Variants in CACNA1C observed in about 807,000 individuals in gnomAD.
The protein encoded by CACNA1C is voltage-dependent L-type calcium channel subunit alpha-1C.
Under a neutral mutation model 229.0 loss-of-function variants are expected in CACNA1C, and 30 were observed. The observed-to-expected ratio is 0.13, with a 90% confidence interval of 0.10 to 0.18. The LOEUF is 0.18. CACNA1C is among the 10% of genes least tolerant of loss of function. The pLI, the probability that CACNA1C is intolerant of heterozygous loss-of-function variation, is 1.00. For synonymous variants in CACNA1C, 1,114 were observed against 1,132.5 expected (o/e 0.98, Z 0.33); for missense variants, 1,658 against 2,845.0 (o/e 0.58, Z 9.49).
At chr12:2,433,734 G>A (rs182797131) in intron 3 of CACNA1C, among the ~76,000 whole-genome samples, 136 of 152,172 alleles carry the variant, frequency 8.9e-4, no homozygotes, top group African/African-American at 2.9e-3. Context: ...ATCGGCCTCC[G>A]TCTCGTTCCC....
In CACNA1C at chr12:2,679,572, T is replaced by G. The variant is rs1319539049; in HGVS notation, c.5220T>G (p.Thr1740=). 3.1e-6 allele frequency: 5 copies of G among 1,613,466 alleles called. No homozygotes were observed. The African/African-American group carries it at 5.3e-5, about 17-fold the overall frequency. The change falls in exon 42 of 47, where the codon ACT becomes ACG. Residue 1740 remains threonine, a synonymous_variant. Coordinates refer to ENST00000399655, the MANE Select transcript of CACNA1C (RefSeq NM_000719.7). This position sits in a 1 kb window ranked among gnomAD's most constrained non-coding sequence, Gnocchi z 5.5. The stretch of plus-strand genomic sequence containing the variant: ...AGGCGGGCAGCAGCCAGGGCGACAC[T>G]GAGTCGCCATCCCACGAGAAGCTGG... ...INKAGSSQGD[T]ESPSHEKLVD...
Position 2,688,654 on chromosome 12 carries a change from A to C in CACNA1C, c.5992A>C (p.Thr1998Pro), listed in dbSNP as rs1338604193. The change falls in exon 46 of 47, where the codon ACC becomes CCC. Residue 1998 changes from threonine to proline, a missense_variant. Physicochemically the swap from Thr to Pro is conservative, Grantham distance 38 (BLOSUM62 -1). Transcript: ENST00000399655. ...PSIHCGSWAE[T>P]TPGGGGSSAA... is the part of the protein sequence containing the mutation. ...CATCCACTGCGGCTCCTGGGCTGAG[A>C]CCACCCCCGGTGGCGGGGGCAGCAG... is the stretch of plus-strand genomic sequence containing the variant. 2.5e-6 allele frequency: 4 copies of C among 1,613,682 alleles called. No individual in the cohort carries two copies. The highest frequency in any genetic ancestry group is 3.4e-6 in the Non-Finnish European group (4 of 1,179,808).
intron 3 of CACNA1C, among the ~76,000 whole-genome samples, chr12:2,311,545 GC>G (rs1163784822): frequency 6.6e-6 from 1 of 152,182 alleles, no homozygotes; most frequent in Admixed American, 6.5e-5. Flanking sequence ...GGCTGCTTAA[GC>G]CATCCTCTCT....
chr12:2,494,157 A>G (rs2154571978), intron 7 of CACNA1C, among the ~76,000 whole-genome samples: 1 of 152,300 alleles, frequency 6.6e-6, no homozygotes, highest in African/African-American at 2.4e-5. Flanking sequence ...AGGTAGAGAA[A>G]TACCACTTCT....
At chr12:1,978,826 CAT>C (rs955035778) in intron 1 of CACNA1C, among the ~76,000 whole-genome samples, 43 of 152,314 alleles carry the variant, frequency 2.8e-4, no homozygotes, top group African/African-American at 7.9e-4. Context: ...CTTTGCTCAA[CAT>C]GTTTCTGAAA....
Position 2,669,338 on chromosome 12 carries a change from G to GA in CACNA1C, c.4726+313dup, listed in dbSNP as rs11424036. On this transcript the variant is annotated intron_variant, in intron 38 of 46. Transcript: ENST00000399655. ...ATACACTAACGATAGCTGATGAACT[G>GA]AAAAAAAAAATTGCAAAATACTCAA... 0.75 allele frequency among the ~76,000 whole-genome samples: 113,676 copies of GA among 150,990 alleles called. 43,515 individuals carry two copies. Among genetic ancestry groups the GA allele is most frequent in the South Asian group, 0.85 (4,063 of 4,764 alleles).
rs960557740 is a variant in CACNA1C, at chr12:2,145,658, G to A, written c.477+25228G>A. On this transcript the variant is annotated intron_variant, in intron 3 of 46. Coordinates refer to ENST00000399655, the MANE Select transcript of CACNA1C (RefSeq NM_000719.7). ...CTGTGAGAGAGGGTATGGTACCTGC[G>A]GGCTTAAGTAGTCCGTGGGCTTGTG... is the stretch of plus-strand genomic sequence containing the variant. Among the ~76,000 whole-genome samples, 69 of 151,228 alleles carry A rather than the reference G, an allele frequency of 4.6e-4. 5 individuals are homozygous for A. The highest frequency in any genetic ancestry group is 4.3e-3 in the Admixed American group (64 of 15,030).
chr12:2,122,004 G>A (rs913682374), intron 3 of CACNA1C, among the ~76,000 whole-genome samples: 1 of 152,096 alleles, frequency 6.6e-6, no homozygotes, highest in Non-Finnish European at 1.5e-5. Context: ...TTCACCCCTC[G>A]GTTTCCAGGA....
At chr12:2,085,307 C>A (rs765146629) in intron 1 of CACNA1C, among the ~76,000 whole-genome samples, 2 of 152,194 alleles carry the variant, frequency 1.3e-5, no homozygotes, top group Non-Finnish European at 2.9e-5. Context: ...ATTATTGAAC[C>A]ACCATTGGTA....
chr12:2,509,491 T>C (rs943246275), intron 8 of CACNA1C, among the ~76,000 whole-genome samples: 3 of 152,154 alleles, frequency 2.0e-5, no homozygotes, highest in Non-Finnish European at 4.4e-5. Flanking sequence ...TACATAACCT[T>C]GTTTTAAGTG....
At chr12:2,279,988 GTTCC>G (rs2090501596) in intron 3 of CACNA1C, among the ~76,000 whole-genome samples, 1 of 152,190 alleles carries the variant, frequency 6.6e-6, no homozygotes, top group Non-Finnish European at 1.5e-5. Context: ...ATCTTTTTCT[GTTCC>G]TTTACTCTTA....
rs191712262 is a variant in CACNA1C, at chr12:2,343,519, A to G, written c.478-105457A>G. Among the ~76,000 whole-genome samples the G allele has an allele frequency of 4.6e-5, 7 of 152,252 alleles. No homozygotes were observed. In the East Asian group the frequency reaches 1.4e-3, roughly 29 times the overall value. On this transcript the variant is annotated intron_variant, in intron 3 of 46. Transcript: ENST00000399655. Reference sequence around the variant, plus strand: ...TAAGTATATCCTAACTGTTACATGGAGCATACTTATACTGAAAAAAAAATT... The same window carrying G: ...TAAGTATATCCTAACTGTTACATGGGGCATACTTATACTGAAAAAAAAATT...
In CACNA1C at chr12:2,651,719, G is replaced by A. The variant is rs1365999989; in HGVS notation, c.4025G>A (p.Arg1342His). Reference protein sequence around the residue: ...RVMRLVKLLSRGEGIRTLLWT... With the variant: ...RVMRLVKLLSHGEGIRTLLWT... The stretch of plus-strand genomic sequence containing the variant: ...ATGCGTCTGGTGAAGCTGCTGAGCC[G>A]TGGGGAGGGCATCCGGACGCTGCTG... The change falls in exon 32 of 47, where the codon CGT becomes CAT. Residue 1342 changes from arginine (R) to histidine (H), a missense_variant. By Grantham distance (29) the Arg-to-His change is conservative (BLOSUM62 0). Coordinates refer to ENST00000399655, the MANE Select transcript of CACNA1C (RefSeq NM_000719.7). The surrounding 1 kb of genome is among the most constrained non-coding windows in gnomAD (Gnocchi z 5.4). 1 of 1,613,782 alleles carries A rather than the reference G, an allele frequency of 6.2e-7. No homozygotes were observed. Among genetic ancestry groups the A allele is most frequent in the South Asian group, 1.1e-5 (1 of 91,058 alleles).
chr12:2,497,882 CTT>C (rs1245745211), intron 7 of CACNA1C, among the ~76,000 whole-genome samples: 1 of 151,810 alleles, frequency 6.6e-6, no homozygotes, highest in Non-Finnish European at 1.5e-5. Flanking sequence ...AATGAGTTAA[CTT>C]TTCATAAGTC....
At position 2,093,287 on chromosome 12, in the gene CACNA1C, C is replaced by T. The variant is rs1319360677; in HGVS notation, c.50-21937C>T. On this transcript the variant is annotated intron_variant, in intron 1 of 46. Transcript: ENST00000399655. ...GTGGCAGGGTAGTATCTTACACAGCCGTGCCTCCCACTCCCCTGTACCAGT... is the reference window on the plus strand; with the variant it reads ...GTGGCAGGGTAGTATCTTACACAGCTGTGCCTCCCACTCCCCTGTACCAGT... 2.0e-5 allele frequency among the ~76,000 whole-genome samples: 3 copies of T among 152,308 alleles called. 1 individual carries two copies. Among genetic ancestry groups the T allele is most frequent in the African/African-American group, 7.2e-5 (3 of 41,576 alleles).
rs918488204 is a variant in CACNA1C at position 2,137,385 on chromosome 12, G to A, written c.477+16955G>A. 9.9e-5 allele frequency among the ~76,000 whole-genome samples: 15 copies of A among 150,952 alleles called. 2 individuals carry two copies. Among genetic ancestry groups the A allele is most frequent in the Middle Eastern group, 3.4e-3 (1 of 294 alleles). ...ATGAGAATATAGATAGAAATGCTCCGCCCAGCTCTACCAAAAAAAAAAGTA... is the reference window on the plus strand; with the variant it reads ...ATGAGAATATAGATAGAAATGCTCCACCCAGCTCTACCAAAAAAAAAAGTA... On this transcript the variant is annotated intron_variant, in intron 3 of 46. Coordinates refer to ENST00000399655, the MANE Select transcript of CACNA1C (RefSeq NM_000719.7).
intron 3 of CACNA1C, among the ~76,000 whole-genome samples, chr12:2,277,272 T>A (rs2154430190): frequency 6.6e-6 from 1 of 152,116 alleles, no homozygotes; most frequent in South Asian, 2.1e-4. Context: ...TTCTTATAGT[T>A]GTTTCTAGCA....
chr12:2,605,072 C>A lies in CACNA1C; in HGVS notation c.2961-9C>A. 1 of 1,611,064 alleles carries A rather than the reference C, an allele frequency of 6.2e-7. No individual in the cohort carries two copies. The highest frequency in any genetic ancestry group is 8.5e-7 in the Non-Finnish European group (1 of 1,177,222). ...GGAGCTTACTACCCTGCCTGTTTCC[C>A]TCTCCCAGGTCCAGTGCAATCAATG... On this transcript the variant is annotated splice_polypyrimidine_tract_variant and intron_variant, in intron 22 of 46. Transcript: ENST00000399655. The surrounding 1 kb of genome is among the most constrained non-coding windows in gnomAD (Gnocchi z 6.2).
chr12:2,669,800 T>G (rs1380005248), intron 38 of CACNA1C, among the ~76,000 whole-genome samples: 1 of 152,192 alleles, frequency 6.6e-6, no homozygotes, highest in East Asian at 1.9e-4. Flanking sequence ...CTGTGCCACC[T>G]AGTCAGACCG....
Sources: gnomAD v4.1 joint callset for allele counts (sites outside exome capture counted in the v4.1 genomes callset) on GRCh38, gnomAD v4.1.1 for gene constraint, Gnocchi (gnomAD v3.1) non-coding constraint, MANE v1.5 for transcripts, NCBI Gene and HGNC (gene_info 2026-07-23, HGNC 2026-07-21) for gene names.